The following GRID2IP variants were observed in gnomAD, a reference collection of about 807,000 sequenced individuals.
GRID2IP encodes delphilin.
A neutral mutation model predicts 114.3 loss-of-function variants in GRID2IP; 78 were observed. The observed-to-expected ratio is 0.68, with a 90% CI of 0.57 to 0.82. The LOEUF (loss-of-function observed/expected upper bound fraction) is 0.82. Ranked by LOEUF, GRID2IP falls within the 40% of genes least tolerant of loss-of-function variation. GRID2IP has a pLI of 0.00. For missense variants in GRID2IP, 1,727 were observed against 1,678.5 expected (o/e 1.03, Z -0.51); for synonymous variants, 809 against 724.0 (o/e 1.12, Z -1.89).
chr7:6,525,525 A>G lies in GRID2IP; in HGVS notation c.919+699T>C, dbSNP rs1446788050. ...GTGGTCCCAGCTACTCTGGAGGCTG[A>G]GGAGGCTCTGGAGGCTCAGCTACAC... On this transcript the variant is annotated intron_variant, in intron 4 of 21. Transcript: ENST00000457091. Among the ~76,000 whole-genome samples, 3 of 152,164 alleles carry G rather than the reference A, an allele frequency of 2.0e-5. No homozygotes were observed. The East Asian group carries it at 5.8e-4, about 30-fold the overall frequency.
intron 7 of GRID2IP, 96 bp from the exon 8 acceptor site, chr7:6,514,625 G>A (rs1195967873): frequency 1.0e-5 from 12 of 1,160,400 alleles, no homozygotes; most frequent in South Asian, 5.6e-5. Context: ...AAGCCACAGC[G>A]TCTGCCCTCA....
chr7:6,502,701 C>A, intron 18 of GRID2IP, 85 bp downstream of exon 18: 1 of 896,968 alleles, frequency 1.1e-6, no homozygotes, highest in Admixed American at 2.1e-5. Context: ...TCCTCTTCTG[C>A]CCTCTGCCAC....
chr7:6,509,231 A>AC lies in GRID2IP; in HGVS notation c.1853dup (p.Leu619SerfsTer8). ...ACTCAGAGCTGCTGGGGGAGGCCAG[A>AC]CCCCCCGAACACAGCGGGTGGTAGC... is the stretch of plus-strand genomic sequence containing the variant. On this transcript the variant is annotated frameshift_variant, in exon 12 of 22. Coordinates refer to ENST00000457091, the MANE Select transcript of GRID2IP (RefSeq NM_001145118.2). LOFTEE classifies it high-confidence loss of function. The surrounding 1 kb of genome is among the most constrained non-coding windows in gnomAD (Gnocchi z 4.9). 2.7e-6 allele frequency: 4 copies of AC among 1,504,930 alleles called. No homozygotes were observed. Among genetic ancestry groups the AC allele is most frequent in the South Asian group, 1.3e-5 (1 of 76,952 alleles). 93.2% of individuals were successfully genotyped at this position (1,504,930 alleles called of 1,614,324 possible). A position where few individuals can be genotyped will look rare whatever the true frequency, so the allele number is the denominator to read the frequency against.
At chr7:6,498,020 C>T in intron 21 of GRID2IP, 44 bp downstream of exon 21, 3 of 1,493,698 alleles carry the variant, frequency 2.0e-6, no homozygotes, top group Non-Finnish European at 2.7e-6. Context: ...GCCTCTGGCC[C>T]CCACCTCTCC....
chr7:6,538,738 C>T (rs1192815606), intron 2 of GRID2IP, among the ~76,000 whole-genome samples: 3 of 151,862 alleles, frequency 2.0e-5, no homozygotes, highest in Admixed American at 6.6e-5. Context: ...ATTAGCTGGG[C>T]GTAGTGGCAC....
chr7:6,542,488 T>C lies in GRID2IP; in HGVS notation c.430-2616A>G, dbSNP rs1370172604. On this transcript the variant is annotated intron_variant, in intron 1 of 21. Coordinates refer to ENST00000457091, the MANE Select transcript of GRID2IP (RefSeq NM_001145118.2). ...GGGCAACATAGCATGACCCCATTTCTACAAACAAATTTTTTTTAAATTAGC... is the reference window on the plus strand; with the variant it reads ...GGGCAACATAGCATGACCCCATTTCCACAAACAAATTTTTTTTAAATTAGC... Among the ~76,000 whole-genome samples the C allele has an allele frequency of 2.0e-5, 3 of 151,958 alleles. No homozygotes were observed. The East Asian group carries it at 5.8e-4, about 29-fold the overall frequency.
chr7:6,502,232 C>CTT, intron 18 of GRID2IP, 114 bp from the exon 19 acceptor site: 2 of 980,694 alleles, frequency 2.0e-6, no homozygotes, highest in Non-Finnish European at 3.0e-6. Flanking sequence ...GGCGCCCCCA[C>CTT]TTTTTTTTTA....
chr7:6,501,817 G>C lies in GRID2IP; in HGVS notation c.3363C>G (p.Ser1121=), dbSNP rs61734441. 1.3e-6 allele frequency: 2 copies of C among 1,551,420 alleles called. No homozygotes were observed. The highest frequency in any genetic ancestry group is 1.4e-5 in the African/African-American group (1 of 73,178). ...SEIQDACQSI[S]PSSEDKFAMV... ...TTGCAAACTTGTCCTCGCTAGAGGG[G>C]GAAATGCTCTGGCAGGCATCCTGTA... The change falls in exon 20 of 22, where the codon TCC becomes TCG. Residue 1121 remains serine (S), a synonymous_variant. Transcript: ENST00000457091.
chr7:6,499,236 C>T (rs1401906226), intron 20 of GRID2IP, among the ~76,000 whole-genome samples: 1 of 152,146 alleles, frequency 6.6e-6, no homozygotes, highest in Admixed American at 6.5e-5. Flanking sequence ...GTTGAACCCA[C>T]CAGGGTCACA....
At chr7:6,531,164 T>C (rs1297586601) in intron 2 of GRID2IP, 2 of 487,868 alleles carry the variant, frequency 4.1e-6, no homozygotes, top group Non-Finnish European at 7.3e-6. Context: ...AGCCCAGGAA[T>C]GGAGCGAGCG....
rs79530067 is a variant in GRID2IP at position 6,528,887 on chromosome 7, G to A, written c.585-2118C>T. On this transcript the variant is annotated intron_variant, in intron 2 of 21. Transcript: ENST00000457091. The surrounding 1 kb of genome is among the most constrained non-coding windows in gnomAD (Gnocchi z 6.0). The stretch of plus-strand genomic sequence containing the variant: ...CACCTGCAATGCTTCCTGCAAATCC[G>A]GAAACACAGCCTCATCCCCCAGATG... Among the ~76,000 whole-genome samples, 1,849 of 152,122 alleles carry A rather than the reference G, an allele frequency of 0.012. 41 individuals are homozygous for A. The highest frequency in any genetic ancestry group is 0.07 in the East Asian group (363 of 5,170).
At chr7:6,531,050 A>G in intron 2 of GRID2IP, 2 of 644,250 alleles carry the variant, frequency 3.1e-6, no homozygotes, top group East Asian at 3.3e-5. Flanking sequence ...GAGGCGCGGG[A>G]CGCGATGGGG....
chr7:6,529,694 TG>T (rs1185307134), intron 2 of GRID2IP, among the ~76,000 whole-genome samples: 1 of 152,128 alleles, frequency 6.6e-6, no homozygotes, highest in Non-Finnish European at 1.5e-5. Flanking sequence ...CCAGGAGCAG[TG>T]GGGCCACAGT....
chr7:6,530,907 T>C (rs1779608390), intron 2 of GRID2IP, among the ~76,000 whole-genome samples: 1 of 152,120 alleles, frequency 6.6e-6, no homozygotes, highest in Non-Finnish European at 1.5e-5. Flanking sequence ...ATTTCCAACC[T>C]CCCTGGGCCT....
At chr7:6,530,120 G>A (rs946132206) in intron 2 of GRID2IP, among the ~76,000 whole-genome samples, 3 of 151,688 alleles carry the variant, frequency 2.0e-5, no homozygotes, top group African/African-American at 4.8e-5. Flanking sequence ...CTTCACACCC[G>A]GCTAATTTTT....
chr7:6,530,389 G>A (rs1193854532), intron 2 of GRID2IP, among the ~76,000 whole-genome samples: 2 of 151,898 alleles, frequency 1.3e-5, no homozygotes, highest in African/African-American at 4.8e-5. Context: ...TCAGCCTCTC[G>A]AGTATCTGGG....
chr7:6,543,395 CA>C (rs71539949), intron 1 of GRID2IP, among the ~76,000 whole-genome samples: 160 of 130,594 alleles, frequency 1.2e-3, no homozygotes, highest in East Asian at 1.4e-3. Context: ...GGCTCTGTCT[CA>C]AAAAAAAAAA....
chr7:6,527,423 C>G (rs1779536447), intron 2 of GRID2IP, among the ~76,000 whole-genome samples: 2 of 152,190 alleles, frequency 1.3e-5, no homozygotes. Context: ...TCAACTTAAT[C>G]CTACATGTAT....
In GRID2IP at chr7:6,551,254, G is replaced by C; in HGVS notation, c.183C>G (p.Ser61Arg). 1 of 1,534,546 alleles carries C rather than the reference G, an allele frequency of 6.5e-7. No homozygotes were observed. The change falls in exon 1 of 22, where the codon AGC (serine) becomes AGG (arginine). Residue 61 changes from serine (S) to arginine (R), a missense_variant. Ser to Arg is a moderately radical substitution (Grantham distance 110, BLOSUM62 -1). Coordinates refer to ENST00000457091, the MANE Select transcript of GRID2IP (RefSeq NM_001145118.2). ...EVEGLAVGGLSRERLVRLARR... is the reference protein window; with the variant it reads ...EVEGLAVGGLRRERLVRLARR... ...GTGCCAGGCGCACGAGGCGCTCGCG[G>C]CTCAGACCGCCCACCGCCAGCCCCT...
Sources: allele counts gnomAD v4.1 joint callset (sites outside exome capture counted in the v4.1 genomes callset), GRCh38; gene constraint gnomAD v4.1.1; non-coding constraint Gnocchi (gnomAD v3.1); transcripts MANE v1.5; gene names NCBI Gene and HGNC (gene_info 2026-07-23, HGNC 2026-07-21).